Variants in TAPT1 observed in about 807,000 individuals in gnomAD.
The protein encoded by TAPT1 is transmembrane anterior posterior transformation protein 1 homolog.
A neutral mutation model predicts 65.6 loss-of-function variants in TAPT1; 28 were observed. The ratio of observed to expected loss-of-function variants is 0.43; its 90% confidence interval spans 0.32 to 0.59. TAPT1 has a LOEUF of 0.59. Among genes scored for constraint, TAPT1 ranks in the 20% least tolerant of loss-of-function variants. The probability of loss-of-function intolerance (pLI) is 0.09; values close to 1 mark genes in which losing one functional copy is unlikely to be tolerated. For synonymous variants in TAPT1, 278 were observed against 245.2 expected (o/e 1.13, Z -1.25); for missense variants, 563 against 679.9 (o/e 0.83, Z 1.91).
At chr4:16,178,558 C>T (rs1748497665) in intron 8 of TAPT1, among the ~76,000 whole-genome samples, 1 of 152,198 alleles carries the variant, frequency 6.6e-6, no homozygotes, top group Non-Finnish European at 1.5e-5. Flanking sequence ...TTGATCATTT[C>T]CCACTTAGCT....
chr4:16,219,950 G>C (rs1394415465), intron 1 of TAPT1, among the ~76,000 whole-genome samples: 1 of 152,182 alleles, frequency 6.6e-6, no homozygotes, highest in African/African-American at 2.4e-5. Flanking sequence ...TCATGGTGAA[G>C]GAGGTAGGAG....
At chr4:16,187,968 T>C (rs1369001415) in intron 5 of TAPT1, among the ~76,000 whole-genome samples, 1 of 152,202 alleles carries the variant, frequency 6.6e-6, no homozygotes, top group Non-Finnish European at 1.5e-5. Flanking sequence ...ATTATAAAAG[T>C]CTTCCTTATA....
rs765979517 is a variant in TAPT1, at chr4:16,217,040, G to A, written c.200-3142C>T. 2.6e-5 allele frequency among the ~76,000 whole-genome samples: 4 copies of A among 152,124 alleles called. 1 individual carries two copies. The highest frequency in any genetic ancestry group is 1.9e-4 in the East Asian group (1 of 5,182). ...ACTACTTTTCATTTCTCCCAAACACGTCAATGGGTTCACACTGCTCCTTGG... is the reference window on the plus strand; with the variant it reads ...ACTACTTTTCATTTCTCCCAAACACATCAATGGGTTCACACTGCTCCTTGG... On this transcript the variant is annotated intron_variant, in intron 1 of 13. Transcript: ENST00000405303.
At chr4:16,169,566 C>T (rs770185692) in intron 12 of TAPT1, among the ~76,000 whole-genome samples, 25 of 152,178 alleles carry the variant, frequency 1.6e-4, no homozygotes, top group Non-Finnish European at 2.8e-4. Flanking sequence ...AAACAACAGG[C>T]AATGCTGTAC....
chr4:16,201,573 C>T (rs566862094), intron 3 of TAPT1, among the ~76,000 whole-genome samples: 19 of 152,146 alleles, frequency 1.2e-4, no homozygotes, highest in East Asian at 5.8e-4. Flanking sequence ...GGAGACACAC[C>T]GGCATAATTG....
chr4:16,210,782 A>G (rs141426940), intron 2 of TAPT1, among the ~76,000 whole-genome samples: 2 of 152,194 alleles, frequency 1.3e-5, no homozygotes, highest in Non-Finnish European at 2.9e-5. Context: ...TGGACTACAT[A>G]AACAGCAGAA....
In TAPT1 at chr4:16,191,460, G is replaced by A. The variant is rs1481825023; in HGVS notation, c.513C>T (p.Ile171=). The A allele has an allele frequency of 6.4e-7, 1 of 1,574,048 alleles. No individual in the cohort carries two copies. The highest frequency in any genetic ancestry group is 1.9e-5 in the Admixed American group (1 of 53,718). The part of the protein sequence containing the change: ...CDILKGVILV[I]CYFMMHYVDY... Reference sequence around the variant, plus strand: ...CAACATAGTGCATCATAAAATAGCAGATTACCAAAATGACACCCTTCAAAA... The same window carrying A: ...CAACATAGTGCATCATAAAATAGCAAATTACCAAAATGACACCCTTCAAAA... The change falls in exon 4 of 14, where the codon ATC becomes ATT. Residue 171 remains isoleucine, a synonymous_variant. Transcript: ENST00000405303.
At chr4:16,165,622 C>G (rs1460457368) in intron 13 of TAPT1, among the ~76,000 whole-genome samples, 2 of 151,742 alleles carry the variant, frequency 1.3e-5, no homozygotes, top group Non-Finnish European at 2.9e-5. Context: ...TGAACAAATA[C>G]CTCTGTGAAC....
At chr4:16,165,478 G>A (rs28395234) in intron 13 of TAPT1, among the ~76,000 whole-genome samples, 28,394 of 151,184 alleles carry the variant, frequency 0.19, 4,249 homozygotes, top group African/African-American at 0.42. Flanking sequence ...GCCGAGGCAG[G>A]AGAATGCCGT....
chr4:16,201,860 T>C (rs542292498), intron 3 of TAPT1, among the ~76,000 whole-genome samples: 1 of 152,334 alleles, frequency 6.6e-6, no homozygotes, highest in East Asian at 1.9e-4. Context: ...CAGGCTGTTG[T>C]GCACAGCTCA....
In TAPT1 at chr4:16,161,562, G is replaced by A. The variant is rs143683305; in HGVS notation, c.*1746C>T. On this transcript the variant is annotated 3_prime_UTR_variant, in exon 14 of 14. Transcript: ENST00000405303. ...AAACTATTCCATTCACGGTGGCATT[G>A]TTCCTTTTGTTGGTAAAGGGAGATG... is the stretch of plus-strand genomic sequence containing the variant. 85 of 152,690 alleles carry A rather than the reference G, an allele frequency of 5.6e-4. No homozygotes were observed. The highest frequency in any genetic ancestry group is 1.9e-3 in the African/African-American group (79 of 41,552). The allele number at this position is 152,690 out of a possible 1,614,324, so 9.5% of individuals were successfully genotyped here.
At chr4:16,203,937 C>A (rs1027161450) in intron 2 of TAPT1, among the ~76,000 whole-genome samples, 2 of 152,008 alleles carry the variant, frequency 1.3e-5, no homozygotes, top group African/African-American at 4.8e-5. Context: ...ACAATTTAGA[C>A]TCATTATGAA....
At chr4:16,226,931 TG>T, upstream of TAPT1, 1 of 392,420 alleles carries the variant, frequency 2.5e-6, no homozygotes, top group South Asian at 1.8e-5. Flanking sequence ...GGGCCTCTTT[TG>T]CAGACTCGGT....
intron 2 of TAPT1, among the ~76,000 whole-genome samples, chr4:16,205,623 G>A (rs1190560560): frequency 1.3e-5 from 2 of 152,066 alleles, no homozygotes; most frequent in East Asian, 3.9e-4. Context: ...AGAGTGGCAT[G>A]CACACCACAG....
At chr4:16,201,286 A>G (rs1296005663) in intron 3 of TAPT1, among the ~76,000 whole-genome samples, 1 of 152,216 alleles carries the variant, frequency 6.6e-6, no homozygotes, top group Non-Finnish European at 1.5e-5. Context: ...TCATGGCTTC[A>G]GTCTTTTAAA....
intron 1 of TAPT1, among the ~76,000 whole-genome samples, chr4:16,218,492 T>C (rs975179543): frequency 6.6e-6 from 1 of 152,142 alleles, no homozygotes; most frequent in Non-Finnish European, 1.5e-5. Flanking sequence ...ATAATGAGAG[T>C]TGTGTTATGA....
chr4:16,192,864 C>CA (rs750244856), intron 3 of TAPT1, among the ~76,000 whole-genome samples: 27 of 152,306 alleles, frequency 1.8e-4, no homozygotes, highest in Non-Finnish European at 3.2e-4. Context: ...TCTAAATGGC[C>CA]ATTGGCCATC....
intron 2 of TAPT1, among the ~76,000 whole-genome samples, chr4:16,205,321 C>A (rs1311093347): frequency 2.0e-5 from 3 of 152,210 alleles, no homozygotes; most frequent in African/African-American, 7.2e-5. Context: ...ACCACAACCA[C>A]CAAATACCAC....
At position 16,174,659 on chromosome 4, in the gene TAPT1, T is replaced by A. The variant is rs371910701; in HGVS notation, c.1167+11A>T. The A allele has an allele frequency of 1.3e-6, 2 of 1,585,172 alleles. No individual in the cohort carries two copies. The highest frequency in any genetic ancestry group is 2.3e-5 in the South Asian group (2 of 86,522). ...TGTTAATTTCAGACTACGCCCTTGATAAATGCTCACATTTTTCTGTCGGCT... is the reference window on the plus strand; with the variant it reads ...TGTTAATTTCAGACTACGCCCTTGAAAAATGCTCACATTTTTCTGTCGGCT... On this transcript the variant is annotated intron_variant, in intron 10 of 13. Coordinates refer to ENST00000405303, the MANE Select transcript of TAPT1 (RefSeq NM_153365.3).
Sources: allele counts gnomAD v4.1 joint callset (sites outside exome capture counted in the v4.1 genomes callset), GRCh38; gene constraint gnomAD v4.1.1; transcripts MANE v1.5; gene names NCBI Gene and HGNC (gene_info 2026-07-23, HGNC 2026-07-21).